The following LRRC4C variants were observed in gnomAD, a reference collection of about 807,000 sequenced individuals.
The protein encoded by LRRC4C is leucine rich repeat containing 4C, also known as leucine-rich repeat-containing protein 4C.
In LRRC4C, 5 loss-of-function variants were observed where a neutral mutation model predicts 33.6. That is an observed-to-expected ratio of 0.15 (90% CI 0.08 to 0.31). LRRC4C has a LOEUF of 0.31. Ranked by LOEUF, LRRC4C falls within the 10% of genes least tolerant of loss-of-function variation. The probability of loss-of-function intolerance (pLI) is 1.00; values close to 1 mark genes in which losing one functional copy is unlikely to be tolerated. For synonymous variants in LRRC4C, 329 were observed against 302.0 expected (o/e 1.09, Z -0.93); for missense variants, 560 against 796.7 (o/e 0.70, Z 3.58).
chr11:41,302,550 A>G (rs1950316154), intron 1 of LRRC4C, among the ~76,000 whole-genome samples: 1 of 152,252 alleles, frequency 6.6e-6, no homozygotes, highest in South Asian at 2.1e-4. Flanking sequence ...ATCAAATGGC[A>G]CAAATCGGTA....
intron 2 of LRRC4C, among the ~76,000 whole-genome samples, chr11:40,710,022 A>G (rs1024736282): frequency 2.0e-5 from 3 of 152,104 alleles, no homozygotes; most frequent in Non-Finnish European, 4.4e-5. Flanking sequence ...TTCCCATGCC[A>G]TGGTTTTCAG....
chr11:40,321,002 C>T (rs113628387), intron 3 of LRRC4C, among the ~76,000 whole-genome samples: 2 of 152,038 alleles, frequency 1.3e-5, no homozygotes, highest in Admixed American at 6.6e-5. Flanking sequence ...ATCTACCTGA[C>T]GGAGTTTAGT....
chr11:41,012,086 C>T (rs1053449719), intron 1 of LRRC4C, among the ~76,000 whole-genome samples: 3 of 151,778 alleles, frequency 2.0e-5, no homozygotes, highest in Non-Finnish European at 4.4e-5. Context: ...ATGCTAGAAA[C>T]ATTCTAATTA....
chr11:40,543,631 A>C (rs1267017608), intron 3 of LRRC4C, among the ~76,000 whole-genome samples: 1 of 152,168 alleles, frequency 6.6e-6, no homozygotes, highest in African/African-American at 2.4e-5. Context: ...CATTTGTCTG[A>C]AGAAGAAAAA....
chr11:40,870,344 G>A (rs559189817), intron 2 of LRRC4C, among the ~76,000 whole-genome samples: 7 of 152,156 alleles, frequency 4.6e-5, no homozygotes, highest in African/African-American at 9.6e-5. Context: ...TGGTGTGGAG[G>A]ATAGTATGTA....
At chr11:40,733,061 GTTTTTTTTTTTTTTTTT>G (rs544471413) in intron 2 of LRRC4C, among the ~76,000 whole-genome samples, 2 of 57,602 alleles carry the variant, frequency 3.5e-5, no homozygotes, top group African/African-American at 7.1e-5. Context: ...TATGAATATA[GTTTTTTTTTTTTTTTTT>G]TTTTTTTTTT....
At chr11:40,949,860 A>G (rs1958611286) in intron 1 of LRRC4C, among the ~76,000 whole-genome samples, 1 of 152,136 alleles carries the variant, frequency 6.6e-6, no homozygotes, top group African/African-American at 2.4e-5. Flanking sequence ...AAATTCACAC[A>G]TAACAATATT....
intron 1 of LRRC4C, among the ~76,000 whole-genome samples, chr11:41,332,531 A>C (rs1951327285): frequency 6.6e-6 from 1 of 152,138 alleles, no homozygotes. Context: ...GAGCTTCAGC[A>C]CTCGATACCG....
At chr11:40,554,496 A>G (rs1957253012) in intron 3 of LRRC4C, among the ~76,000 whole-genome samples, 1 of 152,126 alleles carries the variant, frequency 6.6e-6, no homozygotes. Context: ...TAATTCTGTA[A>G]AAAATGATGT....
intron 3 of LRRC4C, among the ~76,000 whole-genome samples, chr11:40,524,270 A>G (rs769813909): frequency 2.6e-5 from 4 of 152,316 alleles, no homozygotes; most frequent in Admixed American, 6.5e-5. Context: ...CAAATGTTCA[A>G]GTAAAGTCTG....
intron 3 of LRRC4C, among the ~76,000 whole-genome samples, chr11:40,352,057 GTTAT>G (rs1056801794): frequency 6.6e-6 from 1 of 151,678 alleles, no homozygotes; most frequent in Non-Finnish European, 1.5e-5. Flanking sequence ...CTGCCATTTT[GTTAT>G]TTGTTTTCTG....
At chr11:40,499,641 G>A (rs967801046) in intron 3 of LRRC4C, among the ~76,000 whole-genome samples, 6 of 152,196 alleles carry the variant, frequency 3.9e-5, no homozygotes, top group African/African-American at 1.4e-4. Flanking sequence ...TACTGATGTT[G>A]ATGATGGTGA....
chr11:40,397,410 T>C (rs1378877354), intron 3 of LRRC4C, among the ~76,000 whole-genome samples: 1 of 152,114 alleles, frequency 6.6e-6, no homozygotes, highest in African/African-American at 2.4e-5. Flanking sequence ...AGAGCTCTAC[T>C]GTAAAAAGAA....
chr11:40,595,253 A>C (rs2135764555), intron 3 of LRRC4C, among the ~76,000 whole-genome samples: 1 of 152,138 alleles, frequency 6.6e-6, no homozygotes, highest in Middle Eastern at 3.4e-3. Context: ...GATCTGCAAA[A>C]AAAAATCATG....
chr11:40,132,093 G>A lies in LRRC4C; in HGVS notation c.-43+8708C>T, dbSNP rs112163411. Among the ~76,000 whole-genome samples the A allele has an allele frequency of 3.0e-3, 456 of 152,200 alleles. 5 individuals carry two copies. Among genetic ancestry groups the A allele is most frequent in the African/African-American group, 0.011 (438 of 41,534 alleles). ...ACATCATACTCTCAAAGAGATTTAT[G>A]GCTGCAAAAAAGTTTAAGTTCCATA... On this transcript the variant is annotated intron_variant, in intron 6 of 6. Transcript: ENST00000528697.
At chr11:41,294,912 A>T (rs1273439285) in intron 1 of LRRC4C, among the ~76,000 whole-genome samples, 3 of 152,222 alleles carry the variant, frequency 2.0e-5, no homozygotes, top group Non-Finnish European at 4.4e-5. Context: ...ATAAAGCCTA[A>T]CAATCCCTCT....
At chr11:40,810,954 T>C (rs999621505) in intron 2 of LRRC4C, among the ~76,000 whole-genome samples, 14 of 152,160 alleles carry the variant, frequency 9.2e-5, no homozygotes, top group Non-Finnish European at 1.6e-4. Context: ...CAGTGTCACT[T>C]AGAATAAAAT....
At chr11:40,818,841 G>C (rs562719436) in intron 2 of LRRC4C, among the ~76,000 whole-genome samples, 22 of 152,160 alleles carry the variant, frequency 1.4e-4, no homozygotes, top group Admixed American at 2.6e-4. Flanking sequence ...TTCATACCTA[G>C]CTAAATAATA....
intron 2 of LRRC4C, among the ~76,000 whole-genome samples, chr11:40,876,577 C>A (rs1320003864): frequency 2.0e-5 from 3 of 152,088 alleles, no homozygotes; most frequent in African/African-American, 7.2e-5. Context: ...TCCTGTGTCA[C>A]TGAAATGTGC....
Sources: gnomAD v4.1 joint callset for allele counts (sites outside exome capture counted in the v4.1 genomes callset) on GRCh38, gnomAD v4.1.1 for gene constraint, MANE v1.5 for transcripts, NCBI Gene and HGNC (gene_info 2026-07-23, HGNC 2026-07-21) for gene names.